The following HYDIN variants were observed in gnomAD, a reference collection of about 807,000 sequenced individuals.
HYDIN encodes the protein HYDIN axonemal central pair apparatus protein.
In HYDIN, 132 loss-of-function variants were observed where a neutral mutation model predicts 403.9. The observed-to-expected ratio is 0.33, with a 90% CI of 0.28 to 0.38. HYDIN has a LOEUF of 0.38. HYDIN is among the 10% of genes least tolerant of loss of function. The probability of loss-of-function intolerance (pLI) is 1.00; values close to 1 mark genes in which losing one functional copy is unlikely to be tolerated. For synonymous variants in HYDIN, 1,202 were observed against 1,891.7 expected (o/e 0.64, Z 9.46); for missense variants, 2,827 against 5,009.5 (o/e 0.56, Z 13.15).
chr16:70,881,433 C>A (rs1007178238), intron 60 of HYDIN, among the ~76,000 whole-genome samples: 1 of 143,584 alleles, frequency 7.0e-6, no homozygotes, highest in African/African-American at 2.8e-5. Flanking sequence ...ACGGTGAAAC[C>A]CCGTCTCTAC....
rs117572023 is a variant in HYDIN at position 71,077,211 on chromosome 16, C to A, written c.1738+2674G>T. On this transcript the variant is annotated intron_variant, in intron 13 of 85. Coordinates refer to ENST00000393567, the MANE Select transcript of HYDIN (RefSeq NM_001270974.2). Reference sequence around the variant, plus strand: ...GTTTCTATTAGTCTATTTGCCTATGCTTTAAAGTACATTATAATATCTGAT... The same window carrying A: ...GTTTCTATTAGTCTATTTGCCTATGATTTAAAGTACATTATAATATCTGAT... 6.6e-4 allele frequency among the ~76,000 whole-genome samples: 100 copies of A among 152,244 alleles called. 1 individual carries two copies. In the East Asian group the frequency reaches 0.015, roughly 22 times the overall value.
chr16:70,896,242 C>T (rs1419938479), intron 53 of HYDIN, among the ~76,000 whole-genome samples, 162 bp from the exon 54 acceptor site: 2 of 151,808 alleles, frequency 1.3e-5, no homozygotes, highest in African/African-American at 2.4e-5. Context: ...TTGTGCTCCT[C>T]TTAATACTCT....
chr16:71,203,809 T>C (rs1031844318), intron 1 of HYDIN: 1 of 455,806 alleles, frequency 2.2e-6, no homozygotes, highest in Non-Finnish European at 4.4e-6. Flanking sequence ...CAGAAAATAG[T>C]TCCCCAGCAC....
intron 10 of HYDIN, among the ~76,000 whole-genome samples, chr16:71,115,183 G>A (rs1475850586): frequency 1.3e-5 from 2 of 151,586 alleles, no homozygotes; most frequent in South Asian, 2.1e-4. Flanking sequence ...AATCATGGGG[G>A]CAGTTTCCCC....
intron 19 of HYDIN, among the ~76,000 whole-genome samples, chr16:71,030,874 T>G (rs367856428): frequency 6.6e-6 from 1 of 151,402 alleles, no homozygotes; most frequent in African/African-American, 2.4e-5. Context: ...TTGTCGGTAC[T>G]ATGGGAGTCA....
chr16:71,187,010 GT>G (rs1326789587), intron 1 of HYDIN, 92 bp from the exon 2 acceptor site: 7 of 780,452 alleles, frequency 9.0e-6, no homozygotes, highest in Non-Finnish European at 1.4e-5. Context: ...ATACAGGAAG[GT>G]TTAGAAAATA....
intron 13 of HYDIN, among the ~76,000 whole-genome samples, chr16:71,073,777 T>C (rs1353683508): frequency 1.3e-5 from 2 of 152,150 alleles, no homozygotes; most frequent in Non-Finnish European, 1.5e-5. Context: ...CTTTAACCCA[T>C]CCAAGGATTC....
chr16:71,049,602 A>G (rs2081567611), intron 18 of HYDIN, among the ~76,000 whole-genome samples: 2 of 152,260 alleles, frequency 1.3e-5, no homozygotes, highest in South Asian at 4.1e-4. Context: ...CCAAATGCTC[A>G]GAAGAACAGC....
chr16:71,184,340 A>G (rs1228873114), intron 3 of HYDIN, among the ~76,000 whole-genome samples: 2 of 152,178 alleles, frequency 1.3e-5, no homozygotes, highest in African/African-American at 4.8e-5. Context: ...CAGACCTTCT[A>G]TAATCACATG....
At chr16:71,023,094 C>T (rs958452188) in intron 21 of HYDIN, among the ~76,000 whole-genome samples, 6 of 152,176 alleles carry the variant, frequency 3.9e-5, no homozygotes, top group Admixed American at 3.3e-4. Context: ...AATACAATGC[C>T]ACCAACTTCA....
chr16:71,205,827 C>CAACT (rs1393355383), intron 1 of HYDIN, among the ~76,000 whole-genome samples: 1 of 152,208 alleles, frequency 6.6e-6, no homozygotes, highest in African/African-American at 2.4e-5. Context: ...CACTGGTAGC[C>CAACT]AAGTGGACAA....
intron 13 of HYDIN, among the ~76,000 whole-genome samples, chr16:71,070,536 C>T (rs2082436129): frequency 7.5e-6 from 1 of 133,708 alleles, no homozygotes; most frequent in African/African-American, 3.3e-5. Flanking sequence ...ACCATGTTGG[C>T]CAGGCTGCTC....
intron 78 of HYDIN, among the ~76,000 whole-genome samples, chr16:70,834,483 TAAC>T (rs1353046459): frequency 1.2e-4 from 18 of 152,088 alleles, no homozygotes; most frequent in Admixed American, 1.2e-3. Context: ...TAATGGGAAA[TAAC>T]AAACAGTTAG....
chr16:71,178,964 G>A lies in HYDIN; in HGVS notation c.345C>T (p.Val115=). Reference sequence around the variant, plus strand: ...TCCTCAAAATCAGTGGAACTTCATAGACTTCACAGGGAGTGTAGTTCTGAA... The same window carrying A: ...TCCTCAAAATCAGTGGAACTTCATAAACTTCACAGGGAGTGTAGTTCTGAA... The part of the protein sequence containing the change: ...IIFQNYTPCE[V]YEVPLILRNN... Residue 115 remains valine (V), a synonymous_variant, in exon 4 of 86, where the codon GTC becomes GTT. Transcript: ENST00000393567. 1 of 1,611,748 alleles carries A rather than the reference G, an allele frequency of 6.2e-7. No homozygotes were observed. The highest frequency in any genetic ancestry group is 8.5e-7 in the Non-Finnish European group (1 of 1,178,350).
At chr16:70,929,027 C>T (rs1160898569) in intron 45 of HYDIN, among the ~76,000 whole-genome samples, 1 of 151,972 alleles carries the variant, frequency 6.6e-6, no homozygotes, top group African/African-American at 2.4e-5. Flanking sequence ...CGGTGGCTCA[C>T]ACCTGTAATC....
intron 83 of HYDIN, among the ~76,000 whole-genome samples, chr16:70,819,424 G>T (rs1423548507): frequency 6.6e-6 from 1 of 150,974 alleles, no homozygotes; most frequent in Non-Finnish European, 1.5e-5. Context: ...ATTTTGTAAA[G>T]ATGAGGGAAC....
chr16:71,059,379 C>T (rs945518374), intron 18 of HYDIN, among the ~76,000 whole-genome samples: 3 of 152,038 alleles, frequency 2.0e-5, no homozygotes, highest in Non-Finnish European at 2.9e-5. Flanking sequence ...TATGCAAATG[C>T]CATTTATTGA....
At chr16:70,892,741 C>A (rs2041548458) in intron 55 of HYDIN, among the ~76,000 whole-genome samples, 1 of 152,228 alleles carries the variant, frequency 6.6e-6, no homozygotes, top group South Asian at 2.1e-4. Context: ...CAAAGACAGC[C>A]ATACTCTATC....
intron 13 of HYDIN, among the ~76,000 whole-genome samples, chr16:71,075,112 GA>G: frequency 6.7e-6 from 1 of 149,192 alleles, no homozygotes; most frequent in Admixed American, 6.7e-5. Flanking sequence ...CTTGGGTTTT[GA>G]AGGTGGATTA....
Sources: gnomAD v4.1 joint callset for allele counts (sites outside exome capture counted in the v4.1 genomes callset) on GRCh38, gnomAD v4.1.1 for gene constraint, MANE v1.5 for transcripts, NCBI Gene and HGNC (gene_info 2026-07-23, HGNC 2026-07-21) for gene names.